Variants in WWOX observed in about 807,000 individuals in gnomAD.
The protein encoded by WWOX is WW domain containing oxidoreductase.
A neutral mutation model predicts 46.2 loss-of-function variants in WWOX; 69 were observed. That is an observed-to-expected ratio of 1.49 (90% CI 1.23 to 1.82). WWOX has a LOEUF of 1.82. WWOX is among the 40% of genes most tolerant of loss of function. WWOX has a pLI of 0.00. For missense variants in WWOX, 919 were observed against 542.6 expected, an observed-to-expected ratio of 1.69 and a Z score of -6.89; for synonymous variants, 359 against 202.6, an observed-to-expected ratio of 1.77 and a Z score of -6.56.
chr16:78,532,013 A>C (rs1237477688), intron 8 of WWOX, among the ~76,000 whole-genome samples: 1 of 151,746 alleles, frequency 6.6e-6, no homozygotes, highest in Admixed American at 6.6e-5. Context: ...GCGGGAGATT[A>C]GTTAGAGACA....
chr16:79,144,038 C>A (rs1008971277), intron 8 of WWOX, among the ~76,000 whole-genome samples: 3 of 152,186 alleles, frequency 2.0e-5, no homozygotes, highest in South Asian at 2.1e-4. Flanking sequence ...GCTGTGACTA[C>A]AGGCACAGGC....
chr16:78,457,323 G>A (rs79192404), intron 8 of WWOX, among the ~76,000 whole-genome samples: 6,311 of 152,214 alleles, frequency 0.041, 442 homozygotes, highest in African/African-American at 0.14. Flanking sequence ...TTTTCATTCA[G>A]TTCAGATTTG....
At chr16:78,815,223 G>A (rs897939522) in intron 8 of WWOX, among the ~76,000 whole-genome samples, 16 of 152,022 alleles carry the variant, frequency 1.1e-4, no homozygotes, top group African/African-American at 3.9e-4. Context: ...TACTTGGGAG[G>A]TTGAGACAGG....
intron 8 of WWOX, among the ~76,000 whole-genome samples, chr16:78,945,710 A>G (rs2045935930): frequency 6.7e-6 from 1 of 150,232 alleles, no homozygotes; most frequent in African/African-American, 2.5e-5. Context: ...TCTCCCCTGC[A>G]TTGTCTTGCT....
At chr16:79,130,256 A>C (rs535610573) in intron 8 of WWOX, among the ~76,000 whole-genome samples, 3 of 152,286 alleles carry the variant, frequency 2.0e-5, no homozygotes, top group East Asian at 3.9e-4. Flanking sequence ...GGGACAAAAT[A>C]ATTTCTATAT....
At chr16:78,770,503 G>T (rs1294051232) in intron 8 of WWOX, among the ~76,000 whole-genome samples, 2 of 152,180 alleles carry the variant, frequency 1.3e-5, no homozygotes, top group Non-Finnish European at 2.9e-5. Flanking sequence ...TGGCCCATTG[G>T]ATGGCAGAAA....
At chr16:78,135,803 A>C (rs150033755) in intron 4 of WWOX, among the ~76,000 whole-genome samples, 1 of 152,190 alleles carries the variant, frequency 6.6e-6, no homozygotes, top group Non-Finnish European at 1.5e-5. Flanking sequence ...TTTACTTGTC[A>C]GTCCTTTTGG....
chr16:78,241,552 C>A (rs1597392027), intron 5 of WWOX, among the ~76,000 whole-genome samples: 1 of 152,118 alleles, frequency 6.6e-6, no homozygotes. Context: ...AATTCTCCTG[C>A]CTTAGGCTCC....
chr16:79,002,065 A>G (rs1338101907), intron 8 of WWOX, among the ~76,000 whole-genome samples: 1 of 152,132 alleles, frequency 6.6e-6, no homozygotes. Context: ...AAATTACACT[A>G]ATAATAATCT....
chr16:78,953,839 A>T (rs967816171), intron 8 of WWOX, among the ~76,000 whole-genome samples: 3 of 151,272 alleles, frequency 2.0e-5, no homozygotes, highest in African/African-American at 7.3e-5. Flanking sequence ...GCCACTCTCC[A>T]CTCTCCTGTA....
intron 8 of WWOX, among the ~76,000 whole-genome samples, chr16:78,871,526 G>GC (rs1716457127): frequency 6.6e-6 from 1 of 151,742 alleles, no homozygotes; most frequent in African/African-American, 2.4e-5. Flanking sequence ...CTCCAAGGAA[G>GC]CAGTTCACGC....
Position 78,411,729 on chromosome 16 carries a change from C to G in WWOX, c.606-13141C>G, listed in dbSNP as rs564483475. On this transcript the variant is annotated intron_variant, in intron 6 of 8. Coordinates refer to ENST00000566780, the MANE Select transcript of WWOX (RefSeq NM_016373.4). ...GTCAAGTGGGAGAATGTAGAGGTGA[C>G]AAGACCAGGTGTGGGCTATTGCAGT... Among the ~76,000 whole-genome samples, 175 of 152,274 alleles carry G rather than the reference C, an allele frequency of 1.1e-3. 1 individual carries two copies. Among genetic ancestry groups the G allele is most frequent in the Non-Finnish European group, 2.0e-3 (138 of 68,022 alleles).
At chr16:78,690,220 T>C (rs1238283909) in intron 8 of WWOX, among the ~76,000 whole-genome samples, 2 of 152,104 alleles carry the variant, frequency 1.3e-5, no homozygotes, top group African/African-American at 4.8e-5. Context: ...CCATGTGTTG[T>C]GTAGGGCCGG....
intron 8 of WWOX, among the ~76,000 whole-genome samples, chr16:78,952,791 G>A (rs974083038): frequency 6.6e-6 from 1 of 152,170 alleles, no homozygotes; most frequent in Non-Finnish European, 1.5e-5. Context: ...CCAGCAGAAG[G>A]CTTAGCTGTT....
chr16:78,682,629 A>G (rs1301298857), intron 8 of WWOX, among the ~76,000 whole-genome samples: 1 of 152,220 alleles, frequency 6.6e-6, no homozygotes, highest in East Asian at 1.9e-4. Flanking sequence ...CTGTAATCCC[A>G]GCAGTCTGTG....
At chr16:78,658,931 A>G (rs2047143723) in intron 8 of WWOX, among the ~76,000 whole-genome samples, 1 of 147,304 alleles carries the variant, frequency 6.8e-6, no homozygotes, top group African/African-American at 2.5e-5. Context: ...TTCTCTATTA[A>G]AAATACAAAA....
intron 5 of WWOX, among the ~76,000 whole-genome samples, chr16:78,222,336 A>G (rs565924156): frequency 9.5e-5 from 10 of 105,406 alleles, no homozygotes; most frequent in Non-Finnish European, 1.7e-4. Context: ...CTGTGACACG[A>G]CTTAATAGAA....
chr16:78,787,987 G>A (rs2050497811), intron 8 of WWOX, among the ~76,000 whole-genome samples: 1 of 152,200 alleles, frequency 6.6e-6, no homozygotes, highest in South Asian at 2.1e-4. Flanking sequence ...GTTTTTAACT[G>A]GGTCATCTGG....
chr16:78,964,992 G>T (rs1043707501), intron 8 of WWOX, among the ~76,000 whole-genome samples: 2 of 152,142 alleles, frequency 1.3e-5, no homozygotes, highest in African/African-American at 2.4e-5. Context: ...GGGAACCTCT[G>T]CCTAGTTTTC....
Sources: gnomAD v4.1 joint callset for allele counts (sites outside exome capture counted in the v4.1 genomes callset) on GRCh38, gnomAD v4.1.1 for gene constraint, MANE v1.5 for transcripts, NCBI Gene and HGNC (gene_info 2026-07-23, HGNC 2026-07-21) for gene names.